The following HERC4 variants were observed in gnomAD, a reference collection of about 807,000 sequenced individuals.
HERC4 encodes the protein HECT and RLD domain containing E3 ubiquitin protein ligase 4, also known as probable E3 ubiquitin-protein ligase HERC4.
In HERC4, 28 loss-of-function variants were observed where a neutral mutation model predicts 124.3. The observed-to-expected ratio is 0.23, with a 90% CI of 0.17 to 0.31. HERC4 has a LOEUF of 0.31. Among genes scored for constraint, HERC4 ranks in the 10% least tolerant of loss-of-function variants. The pLI, the probability that HERC4 is intolerant of heterozygous loss-of-function variation, is 1.00. For missense variants in HERC4, 713 were observed against 1,229.3 expected, an observed-to-expected ratio of 0.58 and a Z score of 6.28; for synonymous variants, 407 against 421.5, an observed-to-expected ratio of 0.97 and a Z score of 0.42.
At chr10:67,998,804 T>C (rs531097673) in intron 9 of HERC4, among the ~76,000 whole-genome samples, 21 of 152,212 alleles carry the variant, frequency 1.4e-4, no homozygotes, top group African/African-American at 4.6e-4. Context: ...AATGGTGCAA[T>C]CTCAGCTCAC....
chr10:68,071,918 T>C (rs2041594895), intron 3 of HERC4, among the ~76,000 whole-genome samples: 2 of 152,196 alleles, frequency 1.3e-5, no homozygotes. Context: ...GGTCGTGAGA[T>C]GATGTGAAGG....
At chr10:67,923,757 C>T (rs1043136784) in intron 24 of HERC4, among the ~76,000 whole-genome samples, 7 of 151,796 alleles carry the variant, frequency 4.6e-5, no homozygotes, top group Non-Finnish European at 1.0e-4. Context: ...GTTGCCCAGG[C>T]TCAAATCACT....
chr10:68,017,687 C>T (rs899793348), intron 8 of HERC4, among the ~76,000 whole-genome samples: 4 of 152,066 alleles, frequency 2.6e-5, no homozygotes, highest in East Asian at 1.9e-4. Context: ...GGTTTTTTTG[C>T]CATGTTGGCC....
At chr10:68,026,961 T>C (rs1222276325) in intron 7 of HERC4, among the ~76,000 whole-genome samples, 1 of 152,110 alleles carries the variant, frequency 6.6e-6, no homozygotes, top group East Asian at 1.9e-4. Flanking sequence ...ATCATACCAC[T>C]GCACTCCAAC....
Position 68,073,189 on chromosome 10 carries a change from G to C in HERC4, c.-78-3C>G. On this transcript the variant is annotated splice_polypyrimidine_tract_variant and splice_region_variant and intron_variant, in intron 2 of 24. Coordinates refer to ENST00000373700, the MANE Select transcript of HERC4 (RefSeq NM_015601.4). The stretch of plus-strand genomic sequence containing the variant: ...GGAAAGTTGGAGGTACCCTATGTCT[G>C]AGGAAATAGAAAGAAGTTAATATGA... 9.7e-7 allele frequency: 1 copy of C among 1,034,654 alleles called. No individual in the cohort carries two copies. The highest frequency in any genetic ancestry group is 1.4e-6 in the Non-Finnish European group (1 of 697,456). 64.1% of individuals were successfully genotyped at this position (1,034,654 alleles called of 1,614,324 possible). A position where few individuals can be genotyped will look rare whatever the true frequency, so the allele number is the denominator to read the frequency against.
intron 16 of HERC4, among the ~76,000 whole-genome samples, chr10:67,963,337 C>A (rs865856110): frequency 6.6e-6 from 1 of 152,124 alleles, no homozygotes; most frequent in Non-Finnish European, 1.5e-5. Flanking sequence ...CTGCCTCAGC[C>A]TCCTAAGTAG....
At chr10:67,941,669 CTTTTTTTTTTTTT>C (rs755666986) in intron 19 of HERC4, among the ~76,000 whole-genome samples, 8 of 91,762 alleles carry the variant, frequency 8.7e-5, no homozygotes, top group Non-Finnish European at 1.7e-4. Context: ...TAAAACACAA[CTTTTTTTTTTTTT>C]TTTTTTTTTT....
chr10:67,974,986 C>T (rs1267153425), intron 15 of HERC4, among the ~76,000 whole-genome samples: 5 of 152,070 alleles, frequency 3.3e-5, no homozygotes, highest in South Asian at 2.1e-4. Flanking sequence ...GTCAGGAGTT[C>T]GAGACCAGCC....
chr10:68,021,780 C>A (rs1750662889), intron 8 of HERC4, among the ~76,000 whole-genome samples: 1 of 152,034 alleles, frequency 6.6e-6, no homozygotes, highest in Non-Finnish European at 1.5e-5. Flanking sequence ...TGCACTCCAG[C>A]CTGGGCAACA....
At chr10:68,061,230 A>G (rs1005823503) in intron 3 of HERC4, among the ~76,000 whole-genome samples, 9 of 152,196 alleles carry the variant, frequency 5.9e-5, no homozygotes, top group Admixed American at 3.9e-4. Context: ...CTTTGTTTCC[A>G]GTAAGACCTG....
rs570937014 is a variant in HERC4, at chr10:67,923,193, G to C, written c.2942-54C>G. 5 of 1,342,064 alleles carry C rather than the reference G, an allele frequency of 3.7e-6. No homozygotes were observed. In the South Asian group the frequency reaches 4.8e-5, roughly 13 times the overall value. The allele number at this position is 1,342,064 out of a possible 1,614,324, so 83.1% of individuals were successfully genotyped here. ...CACTTCAAAACAAAAAGATACAGTAGCAAGTAATATTTGGTACAGTCGCTA... is the reference window on the plus strand; with the variant it reads ...CACTTCAAAACAAAAAGATACAGTACCAAGTAATATTTGGTACAGTCGCTA... On this transcript the variant is annotated intron_variant, in intron 24 of 24. Coordinates refer to ENST00000373700, the MANE Select transcript of HERC4 (RefSeq NM_015601.4).
intron 23 of HERC4, among the ~76,000 whole-genome samples, chr10:67,929,921 C>G (rs895153162): frequency 6.6e-6 from 1 of 151,762 alleles, no homozygotes; most frequent in Non-Finnish European, 1.5e-5. Flanking sequence ...TCAAGCGATT[C>G]TCCTGCCTCA....
intron 15 of HERC4, among the ~76,000 whole-genome samples, chr10:67,976,250 T>C (rs1425131933): frequency 6.6e-6 from 1 of 152,156 alleles, no homozygotes; most frequent in Non-Finnish European, 1.5e-5. Context: ...AGCCAAACTC[T>C]TTCTACTAAA....
chr10:68,039,680 T>C, intron 4 of HERC4: 1 of 1,364,486 alleles, frequency 7.3e-7, no homozygotes, highest in South Asian at 1.8e-5. Context: ...CTCAACAAAA[T>C]GCCATTTCTT....
intron 10 of HERC4, 119 bp downstream of exon 10, chr10:67,992,487 T>A: frequency 1.8e-6 from 2 of 1,127,996 alleles, no homozygotes; most frequent in Non-Finnish European, 2.5e-6. Flanking sequence ...TTCTGTAGAC[T>A]TAAGGGGAAA....
chr10:67,985,958 A>G (rs2132699495), intron 15 of HERC4, among the ~76,000 whole-genome samples: 1 of 152,348 alleles, frequency 6.6e-6, no homozygotes, highest in South Asian at 2.1e-4. Context: ...TTAATTCTTA[A>G]CCATAGAGCA....
intron 19 of HERC4, among the ~76,000 whole-genome samples, chr10:67,948,559 C>A (rs982513279): frequency 2.6e-5 from 4 of 152,140 alleles, no homozygotes; most frequent in Admixed American, 1.3e-4. Flanking sequence ...AAAGGGAACA[C>A]TCTACACTGT....
intron 3 of HERC4, among the ~76,000 whole-genome samples, chr10:68,048,732 T>A (rs536089945): frequency 3.3e-5 from 5 of 152,254 alleles, no homozygotes; most frequent in African/African-American, 9.6e-5. Flanking sequence ...TCCAGAAAGC[T>A]GGGGAGGTGG....
At chr10:68,039,060 T>C (rs1272307851) in intron 4 of HERC4, among the ~76,000 whole-genome samples, 1 of 151,762 alleles carries the variant, frequency 6.6e-6, no homozygotes, top group Non-Finnish European at 1.5e-5. Flanking sequence ...CCCAGCACTT[T>C]TGGAGACCAA....
Sources: allele counts gnomAD v4.1 joint callset (sites outside exome capture counted in the v4.1 genomes callset), GRCh38; gene constraint gnomAD v4.1.1; transcripts MANE v1.5; gene names NCBI Gene and HGNC (gene_info 2026-07-23, HGNC 2026-07-21).